Variants in BIRC6 observed in about 807,000 individuals in gnomAD.
The protein encoded by BIRC6 is baculoviral IAP repeat containing 6.
In BIRC6, 98 loss-of-function variants were observed where a neutral mutation model predicts 503.3. The observed-to-expected ratio is 0.19, with a 90% CI of 0.17 to 0.23. The LOEUF (loss-of-function observed/expected upper bound fraction) is 0.23. BIRC6 is among the 10% of genes least tolerant of loss of function. The pLI, the probability that BIRC6 is intolerant of heterozygous loss-of-function variation, is 1.00. For synonymous variants in BIRC6, 2,240 were observed against 2,078.7 expected, an observed-to-expected ratio of 1.08 and a Z score of -2.11; for missense variants, 5,360 against 5,806.0, an observed-to-expected ratio of 0.92 and a Z score of 2.50.
intron 30 of BIRC6, 113 bp from the exon 31 acceptor site, chr2:32,470,055 T>TA: frequency 1.0e-6 from 1 of 989,226 alleles, no homozygotes. Context: ...TGGTATGTTT[T>TA]AAGAAAGCAA....
rs1309632607 is a variant in BIRC6, at chr2:32,607,457, G to A, written c.14073G>A (p.Val4691=). ...TGTTCTTTTCCTTTATTCTTTAGGT[G>A]TTGGTGTCTGTCCAGTCCCTTATAT... ...WNPQTSSFLQ[V]LVSVQSLILV... The change falls in exon 72 of 74, where the codon GTG becomes GTA. Residue 4691 remains valine (V), a splice_region_variant and synonymous_variant. Transcript: ENST00000421745. 6.5e-7 allele frequency: 1 copy of A among 1,530,764 alleles called. No individual in the cohort carries two copies. The highest frequency in any genetic ancestry group is 2.3e-5 in the East Asian group (1 of 43,168). 94.8% of individuals were successfully genotyped at this position (1,530,764 alleles called of 1,614,324 possible).
intron 1 of BIRC6, among the ~76,000 whole-genome samples, chr2:32,370,848 C>G (rs964753330): frequency 6.6e-6 from 1 of 152,000 alleles, no homozygotes; most frequent in African/African-American, 2.4e-5. Context: ...GCGTTGAAGT[C>G]TGATGAGATG....
chr2:32,365,194 A>T (rs1558527956), intron 1 of BIRC6, among the ~76,000 whole-genome samples: 3 of 152,212 alleles, frequency 2.0e-5, no homozygotes. Context: ...TCCAGGTGTG[A>T]CCTTATGCAA....
chr2:32,616,886 C>T (rs78924761), intron 73 of BIRC6, among the ~76,000 whole-genome samples: 4,625 of 152,130 alleles, frequency 0.03, 181 homozygotes, highest in African/African-American at 0.092. Flanking sequence ...AGGTGGATCG[C>T]TTGGACCAGG....
At chr2:32,460,097 A>G (rs888160867) in intron 23 of BIRC6, among the ~76,000 whole-genome samples, 3 of 147,206 alleles carry the variant, frequency 2.0e-5, no homozygotes, top group Non-Finnish European at 4.5e-5. Flanking sequence ...GTTGTTGAAT[A>G]GAAATGGTAA....
At chr2:32,505,490 G>T in intron 50 of BIRC6, 1 of 330,824 alleles carries the variant, frequency 3.0e-6, no homozygotes, top group African/African-American at 2.1e-5. Context: ...TCAGTATTAA[G>T]CTGAAATGAG....
intron 37 of BIRC6, among the ~76,000 whole-genome samples, chr2:32,480,162 A>C (rs1473617854): frequency 2.0e-5 from 3 of 151,918 alleles, no homozygotes; most frequent in African/African-American, 7.3e-5. Context: ...TTTTTACTTG[A>C]TATTCTCTTT....
chr2:32,373,111 T>C (rs1348830458), intron 1 of BIRC6, among the ~76,000 whole-genome samples: 3 of 152,210 alleles, frequency 2.0e-5, no homozygotes, highest in Non-Finnish European at 4.4e-5. Context: ...CTTCATACTA[T>C]CTTTATATTG....
chr2:32,385,624 C>T (rs1236158155), intron 3 of BIRC6, among the ~76,000 whole-genome samples: 1 of 152,128 alleles, frequency 6.6e-6, no homozygotes, highest in Non-Finnish European at 1.5e-5. Flanking sequence ...GCCACAGGCT[C>T]CTTACAGCAT....
chr2:32,395,512 C>A lies in BIRC6; in HGVS notation c.953C>A (p.Pro318His), dbSNP rs1421432884. 1.9e-6 allele frequency: 3 copies of A among 1,604,326 alleles called. No homozygotes were observed. The highest frequency in any genetic ancestry group is 8.5e-7 in the Non-Finnish European group (1 of 1,173,384). Residue 318 changes from proline (P) to histidine (H), a missense_variant and splice_region_variant, in exon 6 of 74, where the codon CCT becomes CAT. Around this residue, in one of 16 missense-constraint regions of BIRC6, gnomAD observed 92 missense variants for 176.7 expected, o/e 0.52. Transcript: ENST00000421745. ...TCTCTTTTCTTTATAATTTTGCAGC[C>A]TGCCTCATCTGGAGATGATAGAGCC... is the stretch of plus-strand genomic sequence containing the variant. Reference protein sequence around the residue: ...PMAQAGFYHQPASSGDDRAMC... With the variant: ...PMAQAGFYHQHASSGDDRAMC...
In BIRC6 at chr2:32,439,622, T is replaced by A. The variant is rs1306942868; in HGVS notation, c.3746T>A (p.Leu1249Gln). The part of the protein sequence containing the change: ...GMRPVVRLPS[L>Q]KHQSNKGYSL... ...CGTCCTGTAGTAAGGCTTCCATCCC[T>A]AAAACACCAGAGTAACAAGGGTTAT... The change falls in exon 16 of 74, where the codon CTA (leucine) becomes CAA (glutamine). Residue 1249 changes from leucine to glutamine, a missense_variant. Physicochemically the swap from Leu to Gln is moderately radical, Grantham distance 113. This residue lies in a region of BIRC6 where 2,299 missense variants were observed against 2,267.2 expected (regional missense o/e 1.01). Transcript: ENST00000421745. The A allele has an allele frequency of 1.9e-6, 3 of 1,614,000 alleles. No individual in the cohort carries two copies. Among genetic ancestry groups the A allele is most frequent in the Non-Finnish European group, 2.5e-6 (3 of 1,179,876 alleles).
intron 33 of BIRC6, among the ~76,000 whole-genome samples, chr2:32,475,848 A>G (rs971613567): frequency 6.6e-6 from 1 of 152,184 alleles, no homozygotes; most frequent in Non-Finnish European, 1.5e-5. Context: ...TGAGATTTCC[A>G]TAAAAACAAA....
intron 65 of BIRC6, among the ~76,000 whole-genome samples, chr2:32,553,031 AC>A (rs1166928897): frequency 6.5e-5 from 9 of 139,390 alleles, no homozygotes; most frequent in Non-Finnish European, 1.4e-4. Flanking sequence ...AAAAAAAAAA[AC>A]AAACAAAAAA....
intron 10 of BIRC6, among the ~76,000 whole-genome samples, chr2:32,419,163 G>A (rs180857955): frequency 5.1e-4 from 78 of 152,258 alleles, no homozygotes; most frequent in African/African-American, 1.9e-3. Flanking sequence ...TAATAACAAA[G>A]CGGAAAGAAA....
At position 32,479,589 on chromosome 2, in the gene BIRC6, A is replaced by G. The variant is rs895386227; in HGVS notation, c.7380A>G (p.Ile2460Met). Residue 2460 changes from isoleucine to methionine, a missense_variant, in exon 37 of 74, where the codon ATA (isoleucine) becomes ATG (methionine). Ile to Met is a conservative substitution (Grantham distance 10). This residue lies in a region of BIRC6 where 2,299 missense variants were observed against 2,267.2 expected (regional missense o/e 1.01). Coordinates refer to ENST00000421745, the MANE Select transcript of BIRC6 (RefSeq NM_016252.4). ...QQSSVQLLET[I>M]DEPLTHDITG... The stretch of plus-strand genomic sequence containing the variant: ...CCTCAGTTCAGTTGCTGGAAACTAT[A>G]GATGAACCTTTGACACATGACATAA... 1 of 1,609,628 alleles carries G rather than the reference A, an allele frequency of 6.2e-7. No individual in the cohort carries two copies. The highest frequency in any genetic ancestry group is 1.3e-5 in the African/African-American group (1 of 75,000).
intron 3 of BIRC6, among the ~76,000 whole-genome samples, chr2:32,383,940 C>T (rs988998480): frequency 6.6e-5 from 10 of 152,144 alleles, no homozygotes; most frequent in African/African-American, 2.4e-4. Context: ...TCTCCTTGCC[C>T]CTGTTACTTA....
intron 40 of BIRC6, among the ~76,000 whole-genome samples, chr2:32,487,157 A>G (rs1259880290): frequency 6.6e-6 from 1 of 152,126 alleles, no homozygotes; most frequent in East Asian, 1.9e-4. Flanking sequence ...GTATCCTTGT[A>G]TTTCTCTGGT....
intron 15 of BIRC6, among the ~76,000 whole-genome samples, chr2:32,438,379 G>A (rs1256013416): frequency 6.6e-6 from 1 of 152,108 alleles, no homozygotes; most frequent in Non-Finnish European, 1.5e-5. Flanking sequence ...GCTAAGTAGA[G>A]TGATAGCATT....
chr2:32,450,275 G>A (rs1393898447), intron 22 of BIRC6, among the ~76,000 whole-genome samples: 5 of 152,106 alleles, frequency 3.3e-5, no homozygotes, highest in African/African-American at 4.8e-5. Context: ...TCAGGAGATC[G>A]AGACCATCCT....
Sources: allele counts gnomAD v4.1 joint callset (sites outside exome capture counted in the v4.1 genomes callset), GRCh38; gene constraint gnomAD v4.1.1; regional missense constraint gnomAD v4.1.1; transcripts MANE v1.5; gene names NCBI Gene and HGNC (gene_info 2026-07-23, HGNC 2026-07-21).